The following NRG1 variants were observed in gnomAD, a reference collection of about 807,000 sequenced individuals.
The protein encoded by NRG1 is pro-neuregulin-1, membrane-bound isoform.
In NRG1, 18 loss-of-function variants were observed where a neutral mutation model predicts 63.8. That is an observed-to-expected ratio of 0.28 (90% CI 0.19 to 0.42). NRG1 has a LOEUF of 0.42. NRG1 is among the 10% of genes least tolerant of loss of function. NRG1 has a pLI of 1.00. For missense variants in NRG1, 762 were observed against 814.7 expected (o/e 0.94, Z 0.79); for synonymous variants, 302 against 301.3 (o/e 1.00, Z -0.02).
At chr8:31,854,527 G>A (rs927426794) in intron 1 of NRG1, among the ~76,000 whole-genome samples, 35 of 151,434 alleles carry the variant, frequency 2.3e-4, no homozygotes, top group Non-Finnish European at 3.4e-4. Context: ...TCTTGCTAGC[G>A]GTCTATCAAT....
chr8:31,699,287 CT>C (rs35285310), intron 1 of NRG1, among the ~76,000 whole-genome samples: 1 of 152,048 alleles, frequency 6.6e-6, no homozygotes, highest in Admixed American at 6.6e-5. Context: ...TTACAGAGCC[CT>C]TTTAGAAGCC....
chr8:32,391,170 GC>G (rs2129483979), intron 1 of NRG1, among the ~76,000 whole-genome samples: 2 of 152,058 alleles, frequency 1.3e-5, no homozygotes, highest in Admixed American at 1.3e-4. Context: ...TCACTTTGTT[GC>G]CCAGGCTGGA....
intron 1 of NRG1, among the ~76,000 whole-genome samples, chr8:32,392,671 A>T (rs1811926828): frequency 6.6e-6 from 1 of 152,174 alleles, no homozygotes; most frequent in Admixed American, 6.5e-5. Flanking sequence ...GAATTTTAGG[A>T]TCTACTTGAT....
At chr8:32,432,525 T>G (rs1818274069) in intron 1 of NRG1, among the ~76,000 whole-genome samples, 1 of 152,188 alleles carries the variant, frequency 6.6e-6, no homozygotes, top group Non-Finnish European at 1.5e-5. Context: ...TTTGTATTAT[T>G]ATTTTTGAGA....
chr8:32,666,609 A>G (rs1441385502), intron 5 of NRG1, among the ~76,000 whole-genome samples: 2 of 152,172 alleles, frequency 1.3e-5, no homozygotes. Context: ...GCTGTTGTTC[A>G]GTCTGTTTTT....
intron 1 of NRG1, among the ~76,000 whole-genome samples, chr8:32,070,412 G>C (rs1410713491): frequency 6.6e-6 from 1 of 152,120 alleles, no homozygotes; most frequent in Non-Finnish European, 1.5e-5. Flanking sequence ...CTGTTAAAGT[G>C]CCTAATAATA....
chr8:32,024,029 T>C (rs929298548), intron 1 of NRG1, among the ~76,000 whole-genome samples: 1 of 152,238 alleles, frequency 6.6e-6, no homozygotes, highest in Non-Finnish European at 1.5e-5. Flanking sequence ...TTACACTGGC[T>C]GCTGCCTCTT....
intron 1 of NRG1, among the ~76,000 whole-genome samples, chr8:31,663,495 AG>A (rs1350761092): frequency 3.9e-5 from 6 of 152,128 alleles, no homozygotes. Context: ...GCTGTGGATG[AG>A]GGTGTATGTG....
At chr8:31,865,817 G>T (rs1042193783) in intron 1 of NRG1, among the ~76,000 whole-genome samples, 13 of 152,136 alleles carry the variant, frequency 8.5e-5, no homozygotes, top group African/African-American at 3.1e-4. Flanking sequence ...TACACCATCT[G>T]TAAGAAACTT....
intron 1 of NRG1, among the ~76,000 whole-genome samples, chr8:32,015,850 G>GC (rs1563682269): frequency 2.2e-5 from 3 of 138,000 alleles, no homozygotes; most frequent in African/African-American, 8.1e-5. Context: ...GTTTTCTCTT[G>GC]TTTGTTTTTT....
intron 1 of NRG1, among the ~76,000 whole-genome samples, chr8:31,682,899 G>A (rs1244109484): frequency 1.3e-5 from 2 of 152,132 alleles, no homozygotes; most frequent in Admixed American, 1.3e-4. Flanking sequence ...TGGTGATAAT[G>A]CTTATCTCAG....
chr8:31,751,694 CAG>C (rs1468124508), intron 1 of NRG1, among the ~76,000 whole-genome samples: 3 of 151,842 alleles, frequency 2.0e-5, no homozygotes, highest in Admixed American at 1.3e-4. Flanking sequence ...CTGGATGAAA[CAG>C]TGGTAGCTTA....
chr8:31,701,435 G>A (rs933705322), intron 1 of NRG1, among the ~76,000 whole-genome samples: 2 of 151,994 alleles, frequency 1.3e-5, no homozygotes, highest in African/African-American at 4.8e-5. Flanking sequence ...TACATATTCC[G>A]AACTTAATTC....
At chr8:32,512,686 G>C (rs1348954634) in intron 1 of NRG1, among the ~76,000 whole-genome samples, 1 of 152,176 alleles carries the variant, frequency 6.6e-6, no homozygotes, top group Non-Finnish European at 1.5e-5. Flanking sequence ...AGCAGGAATT[G>C]AATCCAGGCA....
At chr8:32,262,837 A>C (rs59110554) in intron 1 of NRG1, among the ~76,000 whole-genome samples, 42,888 of 151,894 alleles carry the variant, frequency 0.28, 6,134 homozygotes, top group Non-Finnish European at 0.3. Context: ...GTTAGAAAAT[A>C]TGTAAATAAT....
At chr8:32,497,185 G>A (rs1463533896) in intron 1 of NRG1, among the ~76,000 whole-genome samples, 6 of 151,988 alleles carry the variant, frequency 3.9e-5, no homozygotes, top group South Asian at 2.1e-4. Flanking sequence ...GGTGGCTCAC[G>A]CCTGTAATCC....
exon 2 of NRG1, chr8:32,595,855 A>C: frequency 6.2e-7 from 1 of 1,612,428 alleles, no homozygotes; most frequent in Non-Finnish European, 8.5e-7. Context: ...AAAGAGATGA[A>C]AAGCCAGGAA....
chr8:31,642,404 G>T (rs1292580511), intron 1 of NRG1, among the ~76,000 whole-genome samples: 1 of 152,210 alleles, frequency 6.6e-6, no homozygotes, highest in Non-Finnish European at 1.5e-5. Flanking sequence ...TGATGCCTAG[G>T]ATTGGGGGTG....
chr8:32,603,602 T>C (rs543889749), intron 2 of NRG1, among the ~76,000 whole-genome samples: 2 of 152,272 alleles, frequency 1.3e-5, no homozygotes, highest in African/African-American at 4.8e-5. Context: ...CTTAGTCTCC[T>C]GAGCAGCTGA....
Sources: allele counts gnomAD v4.1 joint callset (sites outside exome capture counted in the v4.1 genomes callset), GRCh38; gene constraint gnomAD v4.1.1; transcripts MANE v1.5; gene names NCBI Gene and HGNC (gene_info 2026-07-23, HGNC 2026-07-21).